Variants in CHST9 observed in about 807,000 individuals in gnomAD.
CHST9 encodes the protein carbohydrate sulfotransferase 9, also known as GalNAc-4-sulfotransferase 2.
In CHST9, 41 loss-of-function variants were observed where a neutral mutation model predicts 44.4. The observed-to-expected ratio is 0.92, with a 90% CI of 0.72 to 1.20. CHST9 has a LOEUF of 1.20. Among genes scored for constraint, CHST9 ranks in the 50% most tolerant of loss-of-function variants. CHST9 has a pLI of 0.00. For missense variants in CHST9, 504 were observed against 516.5 expected, an observed-to-expected ratio of 0.98 and a Z score of 0.23; for synonymous variants, 171 against 178.4, an observed-to-expected ratio of 0.96 and a Z score of 0.33.
chr18:27,185,182 C>T lies in CHST9; in HGVS notation c.-143G>A, dbSNP rs2058947034. On this transcript the variant is annotated 5_prime_UTR_variant, in exon 1 of 6. Coordinates refer to ENST00000618847, the MANE Select transcript of CHST9 (RefSeq NM_031422.6). ...CTTGCAGGTGCTGCTGTTCCAGGAG[C>T]GCAGCTTCGGAGGAAACTTCCCCGC... 1 of 152,146 alleles carries T rather than the reference C, an allele frequency of 6.6e-6. No individual in the cohort carries two copies. The highest frequency in any genetic ancestry group is 2.4e-5 in the African/African-American group (1 of 41,444). The allele number at this position is 152,146 out of a possible 1,614,324, so 9.4% of individuals were successfully genotyped here.
At chr18:26,953,120 T>G (rs1294987794) in intron 4 of CHST9, among the ~76,000 whole-genome samples, 1 of 152,252 alleles carries the variant, frequency 6.6e-6, no homozygotes, top group Non-Finnish European at 1.5e-5. Context: ...TCTAAGTATC[T>G]GTATTGTACT....
intron 5 of CHST9, among the ~76,000 whole-genome samples, chr18:26,944,099 G>A (rs1938569047): frequency 6.6e-6 from 1 of 152,182 alleles, no homozygotes; most frequent in Non-Finnish European, 1.5e-5. Flanking sequence ...TTAGTCTACT[G>A]TTTCCTGTTT....
At chr18:27,050,560 C>A (rs1192393640) in intron 2 of CHST9, among the ~76,000 whole-genome samples, 1 of 152,120 alleles carries the variant, frequency 6.6e-6, no homozygotes, top group Non-Finnish European at 1.5e-5. Flanking sequence ...TACAATCTTC[C>A]CTTATGTCGC....
chr18:27,143,291 A>T (rs1329808485), intron 1 of CHST9, among the ~76,000 whole-genome samples: 1 of 152,178 alleles, frequency 6.6e-6, no homozygotes, highest in Non-Finnish European at 1.5e-5. Flanking sequence ...TGTAAGGAAA[A>T]ATCACCTCCT....
intron 1 of CHST9, among the ~76,000 whole-genome samples, chr18:27,158,351 A>G (rs1416223678): frequency 6.7e-6 from 1 of 149,844 alleles, no homozygotes; most frequent in Non-Finnish European, 1.5e-5. Flanking sequence ...AAGAACATGC[A>G]GTGTTTGGTT....
intron 5 of CHST9, chr18:26,932,865 G>A (rs2055905644): frequency 6.5e-6 from 1 of 153,640 alleles, no homozygotes; most frequent in South Asian, 2.1e-4. Flanking sequence ...TCAAAACGAT[G>A]GAAGCAAAGC....
intron 5 of CHST9, chr18:26,924,421 G>A (rs1469065265): frequency 6.4e-6 from 1 of 155,074 alleles, no homozygotes; most frequent in East Asian, 1.9e-4. Context: ...TTAGAGAGCT[G>A]GAGGTAGATA....
At chr18:26,920,871 A>G (rs186181641) in intron 5 of CHST9, among the ~76,000 whole-genome samples, 73 of 152,330 alleles carry the variant, frequency 4.8e-4, no homozygotes, top group Non-Finnish European at 9.4e-4. Flanking sequence ...CCTGCCTGCC[A>G]AATCAGATCA....
chr18:26,975,764 T>TA (rs1491548315), intron 4 of CHST9, among the ~76,000 whole-genome samples: 1 of 136,228 alleles, frequency 7.3e-6, no homozygotes, highest in Non-Finnish European at 1.6e-5. Flanking sequence ...TATATATATA[T>TA]AACATTTTCT....
chr18:26,939,048 C>A (rs375969606), intron 5 of CHST9, among the ~76,000 whole-genome samples: 1 of 152,168 alleles, frequency 6.6e-6, no homozygotes, highest in East Asian at 1.9e-4. Flanking sequence ...CAAGGCCCAA[C>A]GTTGGACATG....
At chr18:27,133,426 C>T (rs1487102814) in intron 2 of CHST9, among the ~76,000 whole-genome samples, 1 of 152,080 alleles carries the variant, frequency 6.6e-6, no homozygotes, top group African/African-American at 2.4e-5. Context: ...CGTAAGAATA[C>T]AAGAGACTCA....
At chr18:27,085,638 T>C (rs1053597960) in intron 2 of CHST9, among the ~76,000 whole-genome samples, 9 of 152,088 alleles carry the variant, frequency 5.9e-5, no homozygotes, top group Non-Finnish European at 1.2e-4. Flanking sequence ...GGCAAGGTTG[T>C]GGAGAAAAAG....
At position 26,944,804 on chromosome 18, in the gene CHST9, ACT is replaced by A. The variant is rs769077694; in HGVS notation, c.203-440_203-439del. Among the ~76,000 whole-genome samples, 129 of 152,316 alleles carry A rather than the reference ACT, an allele frequency of 8.5e-4. 1 individual carries two copies. The highest frequency in any genetic ancestry group is 1.6e-3 in the Non-Finnish European group (112 of 68,016). On this transcript the variant is annotated intron_variant, in intron 4 of 5. Transcript: ENST00000618847. ...TGAGGTGGCAGATGGCAGCAGTGCT[ACT>A]TCAAAAACATTTCTTACGTGGGAAG...
rs185324235 is a variant in CHST9 at position 26,979,058 on chromosome 18, G to A, written c.203-34692C>T. Among the ~76,000 whole-genome samples the A allele has an allele frequency of 4.8e-4, 73 of 151,294 alleles. 3 individuals are homozygous for A. The highest frequency in any genetic ancestry group is 4.5e-3 in the Admixed American group (69 of 15,198). ...TTTTAAAGATTGTGGCAGGTATGTC[G>A]GGGCACAGAAGGGTCTTTTATCCTT... On this transcript the variant is annotated intron_variant, in intron 4 of 5. Transcript: ENST00000618847.
rs573252479 is a variant in CHST9 at position 27,122,626 on chromosome 18, T to C, written c.121+20063A>G. Among the ~76,000 whole-genome samples, 245 of 152,276 alleles carry C rather than the reference T, an allele frequency of 1.6e-3. 1 individual carries two copies. Among genetic ancestry groups the C allele is most frequent in the South Asian group, 6.0e-3 (29 of 4,822 alleles). On this transcript the variant is annotated intron_variant, in intron 2 of 5. Transcript: ENST00000618847. ...TCAACTTACTAATGAACATTTGTCA[T>C]ACAGAACTAGCAAGAACTCCAAAAT...
intron 4 of CHST9, among the ~76,000 whole-genome samples, chr18:27,003,602 A>G (rs981970690): frequency 4.6e-5 from 7 of 152,130 alleles, no homozygotes; most frequent in African/African-American, 1.7e-4. Context: ...TTTCTCCTAT[A>G]AGGTGTTGCT....
chr18:27,089,693 A>G (rs902219705), intron 2 of CHST9, among the ~76,000 whole-genome samples: 1 of 152,064 alleles, frequency 6.6e-6, no homozygotes, highest in African/African-American at 2.4e-5. Context: ...CTAGACCTAG[A>G]TCCTTGAGGA....
intron 2 of CHST9, among the ~76,000 whole-genome samples, chr18:27,076,285 T>A (rs2057902760): frequency 6.6e-6 from 1 of 152,214 alleles, no homozygotes; most frequent in Admixed American, 6.5e-5. Flanking sequence ...GCAGTAGCAG[T>A]AACTCTATCC....
At chr18:26,966,496 A>C (rs1321093108) in intron 4 of CHST9, among the ~76,000 whole-genome samples, 1 of 152,238 alleles carries the variant, frequency 6.6e-6, no homozygotes, top group Non-Finnish European at 1.5e-5. Context: ...CAAGGCATGA[A>C]TATAAATAAT....
Sources: gnomAD v4.1 joint callset for allele counts (sites outside exome capture counted in the v4.1 genomes callset) on GRCh38, gnomAD v4.1.1 for gene constraint, MANE v1.5 for transcripts, NCBI Gene and HGNC (gene_info 2026-07-23, HGNC 2026-07-21) for gene names.